Variants in PAK5 observed in about 807,000 individuals in gnomAD.
PAK5 encodes p21 (RAC1) activated kinase 5.
In PAK5, 16 loss-of-function variants were observed where a neutral mutation model predicts 65.9. The ratio of observed to expected loss-of-function variants is 0.24; its 90% CI spans 0.16 to 0.37. The LOEUF (loss-of-function observed/expected upper bound fraction) is 0.37. PAK5 is among the 10% of genes least tolerant of loss of function. The pLI is 1.00. For synonymous variants in PAK5, 371 were observed against 354.9 expected, an observed-to-expected ratio of 1.05 and a Z score of -0.51; for missense variants, 785 against 903.9, an observed-to-expected ratio of 0.87 and a Z score of 1.69.
intron 2 of PAK5, among the ~76,000 whole-genome samples, chr20:9,698,709 A>G (rs906181285): frequency 1.3e-5 from 2 of 152,184 alleles, no homozygotes; most frequent in African/African-American, 4.8e-5. Flanking sequence ...AGAGAGGTTA[A>G]GAAGTGAACT....
intron 1 of PAK5, among the ~76,000 whole-genome samples, chr20:9,766,491 G>A (rs1051342820): frequency 2.6e-5 from 1 of 38,230 alleles, no homozygotes; most frequent in Non-Finnish European, 4.3e-5. Flanking sequence ...ATATATTCAA[G>A]CAGAATATAT....
intron 1 of PAK5, among the ~76,000 whole-genome samples, chr20:9,788,681 A>T (rs931251343): frequency 1.3e-5 from 2 of 152,132 alleles, no homozygotes; most frequent in Non-Finnish European, 2.9e-5. Flanking sequence ...ATGTTTGTTT[A>T]AACTGGATAT....
chr20:9,702,644 C>G (rs547292691), intron 2 of PAK5, among the ~76,000 whole-genome samples: 9 of 152,132 alleles, frequency 5.9e-5, no homozygotes, highest in Admixed American at 2.0e-4. Flanking sequence ...GTTTATAACC[C>G]TTCAGTTGTT....
At position 9,539,312 on chromosome 20, in the gene PAK5, T is replaced by C. The variant is rs929730220; in HGVS notation, c.*150A>G. ...CTGTTTAAGACACAAGAAGATGCCC[T>C]GGTCTGTTGAACCCTGCCGGTCATC... On this transcript the variant is annotated 3_prime_UTR_variant, in exon 10 of 10. Transcript: ENST00000353224. The C allele has an allele frequency of 1.3e-5, 9 of 695,248 alleles. No individual in the cohort carries two copies. Among genetic ancestry groups the C allele is most frequent in the Non-Finnish European group, 2.2e-5 (9 of 400,110 alleles). 43.1% of individuals were successfully genotyped at this position (695,248 alleles called of 1,614,324 possible).
chr20:9,618,914 C>CGTTT (rs2046714631), intron 3 of PAK5, among the ~76,000 whole-genome samples: 1 of 21,854 alleles, frequency 4.6e-5, no homozygotes, highest in Non-Finnish European at 9.0e-5. Context: ...CTCTTTCTTT[C>CGTTT]GTTTTTTTTT....
chr20:9,744,703 G>A (rs987535365), intron 1 of PAK5, among the ~76,000 whole-genome samples: 7 of 152,162 alleles, frequency 4.6e-5, no homozygotes, highest in Non-Finnish European at 8.8e-5. Context: ...CTTGAATGAT[G>A]TTCCACACCA....
rs1297576708 is a variant in PAK5, at chr20:9,565,946, C to G, written c.1429G>C (p.Val477Leu). The change falls in exon 5 of 10, where the codon GTG becomes CTG. Residue 477 changes from valine to leucine, a missense_variant. Transcript: ENST00000353224. Reference sequence around the variant, plus strand: ...TGCTTCCGGAGGTCCATTTTCTTCACTGCAACTTGTTTCCCTGTGTGTTTC... The same window carrying G: ...TGCTTCCGGAGGTCCATTTTCTTCAGTGCAACTTGTTTCCCTGTGTGTTTC... Reference protein sequence around the residue: ...TEKHTGKQVAVKKMDLRKQQR... With the variant: ...TEKHTGKQVALKKMDLRKQQR... 6.2e-7 allele frequency: 1 copy of G among 1,613,818 alleles called. No homozygotes were observed. Among genetic ancestry groups the G allele is most frequent in the South Asian group, 1.1e-5 (1 of 91,046 alleles).
At chr20:9,746,178 A>T (rs2048505653) in intron 1 of PAK5, among the ~76,000 whole-genome samples, 1 of 152,132 alleles carries the variant, frequency 6.6e-6, no homozygotes. Flanking sequence ...CTTTTGGCTG[A>T]TAGACTTCAT....
chr20:9,773,650 A>G (rs541796931), intron 1 of PAK5, among the ~76,000 whole-genome samples: 52 of 152,324 alleles, frequency 3.4e-4, no homozygotes, highest in African/African-American at 1.3e-3. Context: ...GTGGGGGCAG[A>G]GAGTGGTAAA....
intron 1 of PAK5, among the ~76,000 whole-genome samples, chr20:9,760,740 C>T (rs1156580177): frequency 2.8e-5 from 4 of 141,204 alleles, no homozygotes; most frequent in South Asian, 4.4e-4. Context: ...GGTACGATCT[C>T]GGCTCACTGC....
In PAK5 at chr20:9,652,983, A is replaced by G. The variant is rs140694213; in HGVS notation, c.-11-8644T>C. Among the ~76,000 whole-genome samples the G allele has an allele frequency of 3.3e-3, 502 of 152,254 alleles. 2 individuals are homozygous for G. Among genetic ancestry groups the G allele is most frequent in the Non-Finnish European group, 4.6e-3 (311 of 68,014 alleles). On this transcript the variant is annotated intron_variant, in intron 2 of 9. Transcript: ENST00000353224. ...GTGCCCACAGTTGGATTTAGCATAT[A>G]CATCCATCTGAACTGCACACTTTTT... is the stretch of plus-strand genomic sequence containing the variant.
chr20:9,787,935 A>T (rs1915422239), intron 1 of PAK5, among the ~76,000 whole-genome samples: 1 of 151,906 alleles, frequency 6.6e-6, no homozygotes, highest in African/African-American at 2.4e-5. Context: ...ATTTAATTTT[A>T]ATAATAGCTA....
intron 2 of PAK5, among the ~76,000 whole-genome samples, chr20:9,699,764 G>T (rs2223567): frequency 6.6e-6 from 1 of 151,672 alleles, no homozygotes; most frequent in Non-Finnish European, 1.5e-5. Flanking sequence ...GTGAAATATC[G>T]TGTCACATGG....
intron 3 of PAK5, among the ~76,000 whole-genome samples, chr20:9,643,583 C>T (rs537797331): frequency 2.0e-4 from 30 of 151,728 alleles, no homozygotes; most frequent in Admixed American, 7.2e-4. Context: ...TAAATATGTG[C>T]GTATATGTTT....
rs566072075 is a variant in PAK5, at chr20:9,832,350, G to C, written c.-162+6412C>G. On this transcript the variant is annotated intron_variant, in intron 1 of 9. Coordinates refer to ENST00000353224, the MANE Select transcript of PAK5 (RefSeq NM_177990.4). ...TGCAGTAACGCGATCTCGGCTTACT[G>C]CAAACTCCACCTCTCAGGTTCAAGT... is the stretch of plus-strand genomic sequence containing the variant. 7.5e-4 allele frequency among the ~76,000 whole-genome samples: 114 copies of C among 152,100 alleles called. 1 individual carries two copies. The Middle Eastern group carries it at 0.02, about 27-fold the overall frequency.
intron 1 of PAK5, among the ~76,000 whole-genome samples, chr20:9,777,131 G>A (rs945567776): frequency 1.3e-5 from 2 of 152,192 alleles, no homozygotes; most frequent in African/African-American, 4.8e-5. Flanking sequence ...GCTAGGCTGA[G>A]ATGGGAGGAT....
intron 3 of PAK5, among the ~76,000 whole-genome samples, chr20:9,593,383 C>A (rs185821474): frequency 1.3e-5 from 2 of 152,290 alleles, no homozygotes; most frequent in Admixed American, 1.3e-4. Flanking sequence ...GAGCCTGATG[C>A]ATCTCTATGT....
At chr20:9,703,216 T>C (rs1467382600) in intron 2 of PAK5, among the ~76,000 whole-genome samples, 1 of 152,228 alleles carries the variant, frequency 6.6e-6, no homozygotes, top group African/African-American at 2.4e-5. Context: ...CAGCTCCAAG[T>C]GTCCTTGACA....
At chr20:9,607,623 T>C (rs1163580069) in intron 3 of PAK5, among the ~76,000 whole-genome samples, 1 of 151,998 alleles carries the variant, frequency 6.6e-6, no homozygotes, top group African/African-American at 2.4e-5. Flanking sequence ...GCCCAGGAAT[T>C]AAAGACCAGA....
Sources: gnomAD v4.1 joint callset for allele counts (sites outside exome capture counted in the v4.1 genomes callset) on GRCh38, gnomAD v4.1.1 for gene constraint, MANE v1.5 for transcripts, NCBI Gene and HGNC (gene_info 2026-07-23, HGNC 2026-07-21) for gene names.